RIF1: variants seen among roughly 807,000 people sequenced by gnomAD.
RIF1 encodes the protein telomere-associated protein RIF1.
In RIF1, 45 loss-of-function variants were observed where a neutral mutation model predicts 247.1. The observed-to-expected ratio is 0.18, with a 90% CI of 0.14 to 0.23. RIF1 has a LOEUF of 0.23. Ranked by LOEUF, RIF1 falls within the 10% of genes least tolerant of loss-of-function variation. The probability of loss-of-function intolerance (pLI) is 1.00; values close to 1 mark genes in which losing one functional copy is unlikely to be tolerated. For synonymous variants in RIF1, 1,087 were observed against 978.8 expected, an observed-to-expected ratio of 1.11 and a Z score of -2.06; for missense variants, 2,967 against 2,862.5, an observed-to-expected ratio of 1.04 and a Z score of -0.83.
chr2:151,427,269 A>G (rs764791170), intron 8 of RIF1, among the ~76,000 whole-genome samples: 37 of 151,370 alleles, frequency 2.4e-4, no homozygotes, highest in Middle Eastern at 3.4e-3. Flanking sequence ...CTGGAGTGCA[A>G]ACATGATCTC....
At chr2:151,421,868 A>G (rs1241011499) in intron 7 of RIF1, among the ~76,000 whole-genome samples, 3 of 151,258 alleles carry the variant, frequency 2.0e-5, no homozygotes, top group Non-Finnish European at 2.9e-5. Context: ...CAGTTTCGCA[A>G]TTGTTGCCCA....
rs2054722058 is a variant in RIF1, at chr2:151,489,871, G to A, written c.*416-5358G>A. The A allele has an allele frequency of 1.0e-5, 8 of 794,306 alleles. No homozygotes were observed. The South Asian group carries it at 1.6e-4, about 15-fold the overall frequency. 49.2% of individuals were successfully genotyped at this position (794,306 alleles called of 1,614,324 possible). Reference sequence around the variant, plus strand: ...TAAAAGAGCATTATATAAAATAGAAGGTTTGGTTAAAAAAAACCGTAATAC... The same window carrying A: ...TAAAAGAGCATTATATAAAATAGAAAGTTTGGTTAAAAAAAACCGTAATAC... On this transcript the variant is annotated intron_variant and NMD_transcript_variant, in intron 9 of 13. Coordinates refer to the RIF1 transcript ENST00000454583.
At chr2:151,497,386 A>ATTAT (rs2060940974) in intron 10 of RIF1, 8 of 980,062 alleles carry the variant, frequency 8.2e-6, no homozygotes, top group Admixed American at 6.2e-5. Context: ...TGAAAAACTC[A>ATTAT]TTATTTTAAA....
chr2:151,518,922 A>G, the RIF1 span: 1 of 1,386,190 alleles, frequency 7.2e-7, no homozygotes, highest in African/African-American at 1.4e-5. Flanking sequence ...TTAGTTCCAA[A>G]TGGGTAAAAC....
rs1206912345 is a variant in RIF1 at position 151,475,055 on chromosome 2, A to G, written c.7403A>G (p.His2468Arg). The G allele has an allele frequency of 1.9e-6, 3 of 1,609,252 alleles. No homozygotes were observed. Among genetic ancestry groups the G allele is most frequent in the Non-Finnish European group, 2.6e-6 (3 of 1,176,058 alleles). Residue 2468 changes from histidine to arginine, a missense_variant, in exon 36 of 36, where the codon CAT becomes CGT. By Grantham distance (29) the His-to-Arg change is conservative (BLOSUM62 0). Transcript: ENST00000444746. Reference sequence around the variant, plus strand: ...CAGTCACGTTGGAGATCACCATCCCATGAAAATTCTATTTAGTATTTTCAG... The same window carrying G: ...CAGTCACGTTGGAGATCACCATCCCGTGAAAATTCTATTTAGTATTTTCAG... ...NLQSRWRSPS[H>R]ENSI
At chr2:151,492,308 A>T in intron 9 of RIF1, 1 of 1,604,174 alleles carries the variant, frequency 6.2e-7, no homozygotes, top group Non-Finnish European at 8.5e-7. Context: ...TTGCTTTATG[A>T]AAATATGATG....
exon 12 of RIF1, chr2:151,503,166 G>A: frequency 1.7e-6 from 1 of 601,554 alleles, no homozygotes. Context: ...CACTGAAAAT[G>A]TTCAAGTATA....
chr2:151,443,193 C>A, intron 16 of RIF1, 66 bp from the exon 17 acceptor site: 1 of 1,001,212 alleles, frequency 1.0e-6, no homozygotes, highest in Non-Finnish European at 1.5e-6. Context: ...TCTTAAATAA[C>A]CAATTATAAA....
downstream of RIF1, among the ~76,000 whole-genome samples, chr2:151,509,121 C>A (rs1459487156): frequency 7.2e-5 from 11 of 152,130 alleles, no homozygotes; most frequent in African/African-American, 2.7e-4. Context: ...ATAGGAATTA[C>A]ATTTATAAGT....
intron 23 of RIF1, among the ~76,000 whole-genome samples, chr2:151,457,448 C>G (rs1196938336): frequency 6.6e-6 from 1 of 152,168 alleles, no homozygotes; most frequent in Non-Finnish European, 1.5e-5. Flanking sequence ...TAGCTCATCC[C>G]TTTGTATATG....
intron 10 of RIF1, chr2:151,496,822 G>A: frequency 8.2e-7 from 1 of 1,213,586 alleles, no homozygotes; most frequent in Non-Finnish European, 1.2e-6. Context: ...GGATAAATTT[G>A]CTAAAGAAAG....
chr2:151,530,217 T>C, the RIF1 span, among the ~76,000 whole-genome samples: 1 of 152,132 alleles, frequency 6.6e-6, no homozygotes, highest in African/African-American at 2.4e-5. Flanking sequence ...GAACTGTATA[T>C]TGTCATTGCT....
intron 3 of RIF1, among the ~76,000 whole-genome samples, chr2:151,414,307 G>A (rs1438299190): frequency 6.6e-6 from 1 of 151,820 alleles, no homozygotes; most frequent in Non-Finnish European, 1.5e-5. Context: ...AAAATTTCTA[G>A]ATTGACATGG....
At chr2:151,532,160 G>T in the RIF1 span, 1 of 273,742 alleles carries the variant, frequency 3.7e-6, no homozygotes, top group South Asian at 5.2e-5. Flanking sequence ...GCAGTGGTGC[G>T]ATCTCGGCTC....
At chr2:151,519,127 T>C in the RIF1 span, 1 of 1,131,748 alleles carries the variant, frequency 8.8e-7, no homozygotes, top group South Asian at 1.3e-5. Context: ...ACAGCACTAA[T>C]GGAAATCAAA....
At chr2:151,497,971 G>A (rs1043843907) in intron 10 of RIF1, 5 of 1,434,066 alleles carry the variant, frequency 3.5e-6, no homozygotes, top group Admixed American at 2.9e-5. Flanking sequence ...TTGTGAGTAC[G>A]GTGCCTCCTA....
At position 151,468,132 on chromosome 2, in the gene RIF1, A is replaced by C; in HGVS notation, c.6733A>C (p.Thr2245Pro). The change falls in exon 31 of 36, where the codon ACT becomes CCT. Residue 2245 changes from threonine to proline, a missense_variant. Physicochemically the swap from Thr to Pro is conservative, Grantham distance 38 (BLOSUM62 -1). Transcript: ENST00000444746. Reference sequence around the variant, plus strand: ...AGGAAAAAGTGTTAAAACTTCTCCTACTACACAATCTAAGGTAAGCTATAG... The same window carrying C: ...AGGAAAAAGTGTTAAAACTTCTCCTCCTACACAATCTAAGGTAAGCTATAG... ...PIGKSVKTSP[T>P]TQSKHNTTSA... 3 of 1,612,450 alleles carry C rather than the reference A, an allele frequency of 1.9e-6. No individual in the cohort carries two copies. The highest frequency in any genetic ancestry group is 2.5e-6 in the Non-Finnish European group (3 of 1,178,892).
chr2:151,468,920 C>G (rs1402222369), intron 33 of RIF1, among the ~76,000 whole-genome samples, 164 bp downstream of exon 33: 1 of 152,034 alleles, frequency 6.6e-6, no homozygotes, highest in African/African-American at 2.4e-5. Flanking sequence ...CCAGATAAGG[C>G]AATATGAAAA....
Position 151,480,641 on chromosome 2 carries a change from A to G in RIF1, c.*5570A>G, listed in dbSNP as rs545392619. Reference sequence around the variant, plus strand: ...CAACAAAAGGCAGCTTTGTTTCTTAAACGGATAAACAACATATAACTAGGA... The same window carrying G: ...CAACAAAAGGCAGCTTTGTTTCTTAGACGGATAAACAACATATAACTAGGA... On this transcript the variant is annotated 3_prime_UTR_variant, in exon 36 of 36. Transcript: ENST00000444746. 1.3e-3 allele frequency: 199 copies of G among 152,304 alleles called. No individual in the cohort carries two copies. The highest frequency in any genetic ancestry group is 4.5e-3 in the African/African-American group (188 of 41,576). The allele number at this position is 152,304 out of a possible 1,614,324, so 9.4% of individuals were successfully genotyped here.
Sources: allele counts gnomAD v4.1 joint callset (sites outside exome capture counted in the v4.1 genomes callset), GRCh38; gene constraint gnomAD v4.1.1; transcripts MANE v1.5; gene names NCBI Gene and HGNC (gene_info 2026-07-23, HGNC 2026-07-21).